The following TRAPPC9 variants were observed in gnomAD, a reference collection of about 807,000 sequenced individuals.
The protein encoded by TRAPPC9 is trafficking protein particle complex subunit 9.
Under a neutral mutation model 124.0 loss-of-function variants are expected in TRAPPC9, and 83 were observed. The ratio of observed to expected loss-of-function variants is 0.67; its 90% confidence interval spans 0.56 to 0.80. TRAPPC9 has a LOEUF of 0.80. TRAPPC9 is among the 30% of genes least tolerant of loss of function. TRAPPC9 has a pLI of 0.00. For synonymous variants in TRAPPC9, 638 were observed against 617.5 expected, an observed-to-expected ratio of 1.03 and a Z score of -0.49; for missense variants, 1,302 against 1,508.3, an observed-to-expected ratio of 0.86 and a Z score of 2.27.
At chr8:139,786,240 T>C (rs1220122258) in intron 21 of TRAPPC9, among the ~76,000 whole-genome samples, 1 of 151,938 alleles carries the variant, frequency 6.6e-6, no homozygotes, top group Admixed American at 6.6e-5. Context: ...AGTAAAATAA[T>C]AGGCAAAAGA....
intron 13 of TRAPPC9, among the ~76,000 whole-genome samples, chr8:140,287,219 G>T (rs931544616): frequency 6.6e-6 from 1 of 152,154 alleles, no homozygotes; most frequent in Non-Finnish European, 1.5e-5. Context: ...GAGTTTTGGG[G>T]AAGTGAAAAG....
chr8:140,148,531 T>C (rs1189128878), intron 17 of TRAPPC9, among the ~76,000 whole-genome samples: 3 of 152,188 alleles, frequency 2.0e-5, no homozygotes, highest in Admixed American at 1.3e-4. Context: ...CACAAGGCCA[T>C]AAATAGTCCA....
rs59266343 is a variant in TRAPPC9 at position 140,396,138 on chromosome 8, C to CTT, written c.1134+1480_1134+1481dup. 8.8e-3 allele frequency among the ~76,000 whole-genome samples: 737 copies of CTT among 83,332 alleles called. 30 individuals carry two copies. Among genetic ancestry groups the CTT allele is most frequent in the African/African-American group, 0.03 (525 of 17,712 alleles). The allele number at this position is 83,332 out of a possible 152,430, so 54.7% of individuals were successfully genotyped here. A position where few individuals can be genotyped will look rare whatever the true frequency, so the allele number is the denominator to read the frequency against. ...TCAGTCCCTGATGTTAAGACCTTGC[C>CTT]TTTTTTTTTTTTTTTTTTTTGAGAC... On this transcript the variant is annotated intron_variant, in intron 7 of 22. Transcript: ENST00000438773.
chr8:140,050,513 C>CA (rs1161718232), intron 17 of TRAPPC9, among the ~76,000 whole-genome samples: 1 of 152,082 alleles, frequency 6.6e-6, no homozygotes, highest in Non-Finnish European at 1.5e-5. Context: ...GGTCCTCCCT[C>CA]AGTGCCCCCA....
At chr8:140,069,264 C>T (rs1017421883) in intron 17 of TRAPPC9, among the ~76,000 whole-genome samples, 3 of 152,166 alleles carry the variant, frequency 2.0e-5, no homozygotes, top group African/African-American at 4.8e-5. Flanking sequence ...TCAGGGCCCA[C>T]GATCTGAAGG....
At chr8:140,410,961 T>C (rs1482558503) in intron 5 of TRAPPC9, among the ~76,000 whole-genome samples, 1 of 152,060 alleles carries the variant, frequency 6.6e-6, no homozygotes, top group African/African-American at 2.4e-5. Context: ...ATTAATGATA[T>C]ATAAACAGCA....
intron 9 of TRAPPC9, among the ~76,000 whole-genome samples, chr8:140,319,120 C>A (rs2066520198): frequency 6.6e-6 from 1 of 150,858 alleles, no homozygotes; most frequent in South Asian, 2.1e-4. Context: ...GATTATCCAA[C>A]AATGATTTTA....
rs146288814 is a variant in TRAPPC9, at chr8:140,136,798, G to C, written c.2556+84661C>G. On this transcript the variant is annotated intron_variant, in intron 17 of 22. Transcript: ENST00000438773. ...AGTTGCCTAGGCTGATGGGACAGTGGGAGATCCAGGCTGTGCCACACCCTG... is the reference window on the plus strand; with the variant it reads ...AGTTGCCTAGGCTGATGGGACAGTGCGAGATCCAGGCTGTGCCACACCCTG... 4.5e-3 allele frequency among the ~76,000 whole-genome samples: 678 copies of C among 152,218 alleles called. 4 individuals are homozygous for C. The highest frequency in any genetic ancestry group is 0.016 in the African/African-American group (656 of 41,522).
At chr8:140,393,032 T>TTTTTTTTATTTTA (rs574235886) in intron 7 of TRAPPC9, among the ~76,000 whole-genome samples, 9 of 138,098 alleles carry the variant, frequency 6.5e-5, no homozygotes, top group African/African-American at 2.2e-4. Flanking sequence ...TCCCATTTTA[T>TTTTTTTTATTTTA]TTTTATTTTA....
chr8:139,807,740 GGTT>G (rs772250826), intron 21 of TRAPPC9, among the ~76,000 whole-genome samples: 2 of 152,148 alleles, frequency 1.3e-5, no homozygotes, highest in African/African-American at 4.8e-5. Flanking sequence ...TGAGCACAGA[GGTT>G]GTTAATAGCC....
In TRAPPC9 at chr8:140,278,161, T is replaced by C. The variant is rs530720240; in HGVS notation, c.2115-2340A>G. ...CTCTGTCGCTCAGGCTGGAGAGCAGTGGCACAATCTCCACTCACTGCAACC... is the reference window on the plus strand; with the variant it reads ...CTCTGTCGCTCAGGCTGGAGAGCAGCGGCACAATCTCCACTCACTGCAACC... On this transcript the variant is annotated intron_variant, in intron 14 of 22. Coordinates refer to ENST00000438773, the MANE Select transcript of TRAPPC9 (RefSeq NM_001160372.4). Among the ~76,000 whole-genome samples, 492 of 152,124 alleles carry C rather than the reference T, an allele frequency of 3.2e-3. 3 individuals carry two copies. The highest frequency in any genetic ancestry group is 0.011 in the African/African-American group (477 of 41,500).
At chr8:139,900,040 C>T (rs1830922327) in intron 20 of TRAPPC9, among the ~76,000 whole-genome samples, 1 of 152,220 alleles carries the variant, frequency 6.6e-6, no homozygotes, top group Non-Finnish European at 1.5e-5. Flanking sequence ...AGCCGTCTGT[C>T]CTCCTCACGG....
chr8:139,747,444 GGTCAGAGCAGGTGTGGGGGC>G (rs1818975655), intron 21 of TRAPPC9, among the ~76,000 whole-genome samples: 1 of 147,710 alleles, frequency 6.8e-6, no homozygotes, highest in Non-Finnish European at 1.5e-5. Context: ...GGTGTCCAGG[GGTCAGAGCAGGTGTGGGGGC>G]TGTGCAGGGG....
At chr8:139,893,748 G>C (rs1213370755) in intron 20 of TRAPPC9, among the ~76,000 whole-genome samples, 1 of 152,216 alleles carries the variant, frequency 6.6e-6, no homozygotes. Context: ...GGCACACCAG[G>C]AGGTAACTGA....
intron 21 of TRAPPC9, among the ~76,000 whole-genome samples, chr8:139,811,818 T>C (rs1457270061): frequency 2.0e-5 from 3 of 152,220 alleles, no homozygotes; most frequent in South Asian, 2.1e-4. Context: ...ATATATTTTT[T>C]TGGACATGCA....
chr8:140,342,801 ATCATG>A (rs1464901846), intron 9 of TRAPPC9, among the ~76,000 whole-genome samples: 3 of 152,250 alleles, frequency 2.0e-5, no homozygotes, highest in Non-Finnish European at 4.4e-5. Flanking sequence ...AATACAAAAA[ATCATG>A]TCATTCATTT....
At position 140,023,444 on chromosome 8, in the gene TRAPPC9, G is replaced by C. The variant is rs188012007; in HGVS notation, c.2699+493C>G. ...AAAGTAGGCAGGAGAGAAAGCCTTT[G>C]TATGCGAAGGGCCTCCTGGGCAGAA... is the stretch of plus-strand genomic sequence containing the variant. On this transcript the variant is annotated intron_variant, in intron 18 of 22. Coordinates refer to ENST00000438773, the MANE Select transcript of TRAPPC9 (RefSeq NM_001160372.4). Among the ~76,000 whole-genome samples the C allele has an allele frequency of 1.2e-3, 180 of 152,342 alleles. No individual in the cohort carries two copies. In the Middle Eastern group the frequency reaches 0.02, roughly 17 times the overall value.
At position 140,006,163 on chromosome 8, in the gene TRAPPC9, G is replaced by C. The variant is rs556543271; in HGVS notation, c.2700-17327C>G. 3.7e-4 allele frequency among the ~76,000 whole-genome samples: 56 copies of C among 152,258 alleles called. 1 individual carries two copies. The South Asian group carries it at 0.012, about 32-fold the overall frequency. On this transcript the variant is annotated intron_variant, in intron 18 of 22. Transcript: ENST00000438773. Reference sequence around the variant, plus strand: ...TTTAGTGGCAGATGGGAACGTGGTGGCATTTCCCCATCAACAACTGAAAAG... The same window carrying C: ...TTTAGTGGCAGATGGGAACGTGGTGCCATTTCCCCATCAACAACTGAAAAG...
rs187452687 is a variant in TRAPPC9, at chr8:139,817,463, C to T, written c.3055+68416G>A. 6.6e-4 allele frequency among the ~76,000 whole-genome samples: 101 copies of T among 152,296 alleles called. 1 individual carries two copies. The highest frequency in any genetic ancestry group is 5.1e-3 in the Admixed American group (78 of 15,310). On this transcript the variant is annotated intron_variant, in intron 21 of 22. Coordinates refer to ENST00000438773, the MANE Select transcript of TRAPPC9 (RefSeq NM_001160372.4). ...GTGGCAAAGGAGCAGGATGAGTCTG[C>T]GATTCAGTGCTGCTCCAGGCAGCCA... is the stretch of plus-strand genomic sequence containing the variant.
Sources: gnomAD v4.1 joint callset for allele counts (sites outside exome capture counted in the v4.1 genomes callset) on GRCh38, gnomAD v4.1.1 for gene constraint, MANE v1.5 for transcripts, NCBI Gene and HGNC (gene_info 2026-07-23, HGNC 2026-07-21) for gene names.